Variants in EP400 observed in about 807,000 individuals in gnomAD.
EP400 encodes E1A-binding protein p400.
EP400 carries 105 observed loss-of-function variants against 354.1 expected under a neutral mutation model. The observed-to-expected ratio is 0.30, with a 90% CI of 0.25 to 0.35. The LOEUF (loss-of-function observed/expected upper bound fraction) is 0.35. EP400 is among the 10% of genes least tolerant of loss of function. EP400 has a pLI of 1.00. For synonymous variants in EP400, 1,646 were observed against 1,716.9 expected, an observed-to-expected ratio of 0.96 and a Z score of 1.02; for missense variants, 3,280 against 4,121.0, an observed-to-expected ratio of 0.80 and a Z score of 5.59.
At chr12:132,037,071 C>G (rs1311078080) in intron 30 of EP400, among the ~76,000 whole-genome samples, 1 of 152,084 alleles carries the variant, frequency 6.6e-6, no homozygotes, top group Non-Finnish European at 1.5e-5. Context: ...GCAGATGAGC[C>G]TCATGGGAAG....
At chr12:131,971,195 C>A (rs1315433799) in intron 2 of EP400, among the ~76,000 whole-genome samples, 1 of 152,042 alleles carries the variant, frequency 6.6e-6, no homozygotes. Context: ...TAGAGCAATA[C>A]CCTGTCTCTT....
intron 2 of EP400, among the ~76,000 whole-genome samples, chr12:131,965,428 A>G (rs1333628103): frequency 8.5e-5 from 13 of 152,212 alleles, no homozygotes; most frequent in Admixed American, 7.8e-4. Context: ...CATTCTGTCT[A>G]CATTTATTAG....
In EP400 at chr12:132,029,421, C is replaced by G; in HGVS notation, c.5382-280C>G. ...AGAAAGAGAATGGCTTATCTCTGAC[C>G]TGGTGCCTGCGGCCTAGGGAATCCA... On this transcript the variant is annotated intron_variant, in intron 27 of 52. Coordinates refer to ENST00000389561, the MANE Select transcript of EP400 (RefSeq NM_015409.5). The surrounding 1 kb of genome is among the most constrained non-coding windows in gnomAD (Gnocchi z 4.7). 1.9e-6 allele frequency: 1 copy of G among 518,258 alleles called. No individual in the cohort carries two copies. The highest frequency in any genetic ancestry group is 3.4e-6 in the Non-Finnish European group (1 of 290,790). The allele number at this position is 518,258 out of a possible 1,614,324, so 32.1% of individuals were successfully genotyped here. A position where few individuals can be genotyped will look rare whatever the true frequency, so the allele number is the denominator to read the frequency against.
chr12:131,990,836 G>C lies in EP400; in HGVS notation c.2629+122G>C. On this transcript the variant is annotated intron_variant, in intron 9 of 52. Transcript: ENST00000389561. The surrounding 1 kb of genome is among the most constrained non-coding windows in gnomAD (Gnocchi z 4.2). ...GAGGACATCTGCTCATCAGCCAGCT[G>C]CCTGATTGTTACATTTCTCTTTGTG... The C allele has an allele frequency of 1.4e-6, 1 of 702,822 alleles. No individual in the cohort carries two copies. Among genetic ancestry groups the C allele is most frequent in the South Asian group, 1.8e-5 (1 of 55,668 alleles). 43.5% of individuals were successfully genotyped at this position (702,822 alleles called of 1,614,324 possible). A position where few individuals can be genotyped will look rare whatever the true frequency, so the allele number is the denominator to read the frequency against.
Position 132,032,049 on chromosome 12 carries a change from A to T in EP400, c.5851A>T (p.Thr1951Ser), listed in dbSNP as rs756071640. ...AGGTATAAACCTTGTAGAGGCGGAC[A>T]CCGTCGTGTTTTATGACAATGACCT... Reference protein sequence around the residue: ...TTGINLVEADTVVFYDNDLNP... With the variant: ...TTGINLVEADSVVFYDNDLNP... The change falls in exon 30 of 53, where the codon ACC becomes TCC. Residue 1951 changes from threonine to serine, a missense_variant. Coordinates refer to ENST00000389561, the MANE Select transcript of EP400 (RefSeq NM_015409.5). 15 of 1,614,122 alleles carry T rather than the reference A, an allele frequency of 9.3e-6. No homozygotes were observed. Among genetic ancestry groups the T allele is most frequent in the African/African-American group, 2.7e-5 (2 of 74,930 alleles).
intron 42 of EP400, 23 bp from the exon 43 acceptor site, chr12:132,053,320 C>T (rs370942206): frequency 3.1e-6 from 5 of 1,592,804 alleles, no homozygotes; most frequent in South Asian, 1.1e-5. Context: ...TCCAGTGGCT[C>T]CTCTTCCTTC....
At position 131,994,965 on chromosome 12, in the gene EP400, T is replaced by A. The variant is rs1893155204; in HGVS notation, c.2827+9T>A. ...TAATTTAGCCAAGGAAGGTAGGCTG[T>A]TGCTACCTTATTAAACATTCAGTAA... On this transcript the variant is annotated intron_variant, in intron 12 of 52. Transcript: ENST00000389561. The surrounding 1 kb of genome is among the most constrained non-coding windows in gnomAD (Gnocchi z 4.6). The A allele has an allele frequency of 6.2e-7, 1 of 1,610,670 alleles. No individual in the cohort carries two copies. The highest frequency in any genetic ancestry group is 8.5e-7 in the Non-Finnish European group (1 of 1,177,258).
At chr12:132,028,995 G>A (rs1182824592) in intron 27 of EP400, 1 of 152,442 alleles carries the variant, frequency 6.6e-6, no homozygotes, top group African/African-American at 2.4e-5. Flanking sequence ...AGAAAACTGG[G>A]AGTGCTTCTC....
At position 131,982,121 on chromosome 12, in the gene EP400, G is replaced by A. The variant is rs749446319; in HGVS notation, c.1572G>A (p.Ala524=). The change falls in exon 5 of 53, where the codon GCG becomes GCA. Residue 524 remains alanine, a synonymous_variant. Coordinates refer to ENST00000389561, the MANE Select transcript of EP400 (RefSeq NM_015409.5). The stretch of plus-strand genomic sequence containing the variant: ...GAATGCCCCCCACGCCGCAGGCCGC[G>A]CAGCTCGCTGGACAGAGGCAGAGTC... ...QGGMPPTPQA[A]QLAGQRQSQQ... is the part of the protein sequence containing the mutation. The A allele has an allele frequency of 8.9e-5, 137 of 1,547,354 alleles. No individual in the cohort carries two copies. The highest frequency in any genetic ancestry group is 3.7e-4 in the Middle Eastern group (2 of 5,360).
intron 7 of EP400, 126 bp from the exon 8 acceptor site, chr12:131,989,838 G>C (rs1312151813): frequency 9.4e-7 from 1 of 1,058,770 alleles, no homozygotes; most frequent in East Asian, 2.7e-5. Flanking sequence ...AAGAGCATAC[G>C]AGGATGTATA....
At chr12:132,061,776 G>T (rs1280041207) in intron 45 of EP400, among the ~76,000 whole-genome samples, 2 of 152,340 alleles carry the variant, frequency 1.3e-5, no homozygotes, top group Middle Eastern at 3.4e-3. Flanking sequence ...GGGTAGCATG[G>T]GTGCCTCAAG....
At chr12:132,014,924 C>T (rs139495843) in intron 19 of EP400, among the ~76,000 whole-genome samples, 9 of 152,342 alleles carry the variant, frequency 5.9e-5, no homozygotes, top group East Asian at 1.9e-4. Context: ...CCCCACCCCC[C>T]GTCCTGGGTC....
intron 47 of EP400, 27 bp downstream of exon 47, chr12:132,062,728 C>A (rs375746629): frequency 6.2e-7 from 1 of 1,609,336 alleles, no homozygotes; most frequent in African/African-American, 1.3e-5. Context: ...GGACCATGAA[C>A]GTGTGCGTCT....
At position 132,032,844 on chromosome 12, in the gene EP400, C is replaced by T. The variant is rs993990040; in HGVS notation, c.5951+695C>T. 1.7e-4 allele frequency among the ~76,000 whole-genome samples: 26 copies of T among 151,984 alleles called. No homozygotes were observed. In the South Asian group the frequency reaches 1.9e-3, roughly 11 times the overall value. ...CGGAGTTTTACCACATTGGCCAGGCCGGTCTCGAACTCCTGACCTCGTGAT... is the reference window on the plus strand; with the variant it reads ...CGGAGTTTTACCACATTGGCCAGGCTGGTCTCGAACTCCTGACCTCGTGAT... On this transcript the variant is annotated intron_variant, in intron 30 of 52. Coordinates refer to ENST00000389561, the MANE Select transcript of EP400 (RefSeq NM_015409.5).
Position 132,079,658 on chromosome 12 carries a change from A to C in EP400, c.*1985A>C, listed in dbSNP as rs537944533. The C allele has an allele frequency of 6.6e-6, 1 of 152,266 alleles. No homozygotes were observed. Among genetic ancestry groups the C allele is most frequent in the Non-Finnish European group, 1.5e-5 (1 of 68,046 alleles). The allele number at this position is 152,266 out of a possible 1,614,324, so 9.4% of individuals were successfully genotyped here. ...GCGCTCTATTAATCTAAAACACTAC[A>C]AGAGAATTTAACACCATCTCTCAAA... is the stretch of plus-strand genomic sequence containing the variant. On this transcript the variant is annotated 3_prime_UTR_variant, in exon 53 of 53. Coordinates refer to ENST00000389561, the MANE Select transcript of EP400 (RefSeq NM_015409.5).
rs1892815664 is a variant in EP400, at chr12:131,985,247, GC to G, written c.1930-1265del. On this transcript the variant is annotated intron_variant, in intron 5 of 52. Transcript: ENST00000389561. ...GGTTGGCACACTTTCTCAGTCAAGG[GC>G]CAGGGAGTAAATGTTCCAGCTTTGC... Among the ~76,000 whole-genome samples, 3 of 152,388 alleles carry G rather than the reference GC, an allele frequency of 2.0e-5. No individual in the cohort carries two copies. In the South Asian group the frequency reaches 6.2e-4, roughly 32 times the overall value.
Position 132,067,007 on chromosome 12 carries a change from G to A in EP400, c.8749+38G>A, listed in dbSNP as rs1215000845. ...GCACACCCTCCCGTCCTGGGCTTGA[G>A]CCTGGTTTCACAGGCCTCTCTGGTG... On this transcript the variant is annotated intron_variant, in intron 49 of 52. Coordinates refer to ENST00000389561, the MANE Select transcript of EP400 (RefSeq NM_015409.5). This position sits in a 1 kb window ranked among gnomAD's most constrained non-coding sequence, Gnocchi z 5.3. 6.6e-7 allele frequency: 1 copy of A among 1,522,706 alleles called. No homozygotes were observed. Among genetic ancestry groups the A allele is most frequent in the Non-Finnish European group, 8.8e-7 (1 of 1,139,092 alleles). The allele number at this position is 1,522,706 out of a possible 1,614,324, so 94.3% of individuals were successfully genotyped here. A position where few individuals can be genotyped will look rare whatever the true frequency, so the allele number is the denominator to read the frequency against.
intron 1 of EP400, among the ~76,000 whole-genome samples, chr12:131,956,578 G>A (rs577330469): frequency 6.6e-6 from 1 of 152,204 alleles, no homozygotes; most frequent in African/African-American, 2.4e-5. Flanking sequence ...AAAGGTTTTG[G>A]GGTCACATGG....
At chr12:132,002,275 A>C (rs73480099) in intron 12 of EP400, among the ~76,000 whole-genome samples, 1,826 of 152,200 alleles carry the variant, frequency 0.012, 40 homozygotes, top group African/African-American at 0.042. Context: ...CTAATTTTAA[A>C]ATTTATCTTG....
Sources: gnomAD v4.1 joint callset for allele counts (sites outside exome capture counted in the v4.1 genomes callset) on GRCh38, gnomAD v4.1.1 for gene constraint, Gnocchi (gnomAD v3.1) non-coding constraint, MANE v1.5 for transcripts, NCBI Gene and HGNC (gene_info 2026-07-23, HGNC 2026-07-21) for gene names.